The following TMTC2 variants were observed in gnomAD, a reference collection of about 807,000 sequenced individuals.
The protein encoded by TMTC2 is transmembrane O-mannosyltransferase targeting cadherins 2.
Under a neutral mutation model 82.4 loss-of-function variants are expected in TMTC2, and 43 were observed. The observed-to-expected ratio is 0.52, with a 90% confidence interval of 0.41 to 0.67. The LOEUF (loss-of-function observed/expected upper bound fraction) is 0.67, where lower values mean the gene tolerates loss of function less well. Ranked by LOEUF, TMTC2 falls within the 30% of genes least tolerant of loss-of-function variation. The probability of loss-of-function intolerance (pLI) is 0.00; values close to 1 mark genes in which losing one functional copy is unlikely to be tolerated. For missense variants in TMTC2, 919 were observed against 1,012.4 expected, an observed-to-expected ratio of 0.91 and a Z score of 1.25; for synonymous variants, 408 against 381.9, an observed-to-expected ratio of 1.07 and a Z score of -0.80.
At chr12:82,703,992 AT>A (rs1197480744) in intron 1 of TMTC2, among the ~76,000 whole-genome samples, 7 of 152,148 alleles carry the variant, frequency 4.6e-5, no homozygotes, top group Non-Finnish European at 7.4e-5. Flanking sequence ...GCTTGTTTGT[AT>A]TTTTTAAAAT....
chr12:82,967,115 T>C, intron 7 of TMTC2, 118 bp downstream of exon 7: 1 of 736,802 alleles, frequency 1.4e-6, no homozygotes, highest in South Asian at 2.1e-5. Context: ...AAAAGAAACG[T>C]TCACAATCTG....
chr12:83,125,669 T>C (rs989916975), intron 11 of TMTC2, among the ~76,000 whole-genome samples: 1 of 152,218 alleles, frequency 6.6e-6, no homozygotes, highest in African/African-American at 2.4e-5. Context: ...AAATCTGAAA[T>C]TTGAAATGCA....
intron 1 of TMTC2, chr12:82,759,050 A>G (rs1230343846): frequency 6.6e-6 from 1 of 152,234 alleles, no homozygotes; most frequent in African/African-American, 2.4e-5. Context: ...AGATGACAGT[A>G]TCAGACTTGC....
chr12:83,091,042 A>C (rs955359421), intron 11 of TMTC2, among the ~76,000 whole-genome samples: 3 of 152,304 alleles, frequency 2.0e-5, no homozygotes, highest in South Asian at 4.1e-4. Context: ...TTTGTTAATC[A>C]CTGCAACCAG....
intron 8 of TMTC2, among the ~76,000 whole-genome samples, chr12:82,994,392 A>G (rs926966869): frequency 1.4e-4 from 22 of 152,046 alleles, no homozygotes; most frequent in African/African-American, 4.8e-4. Context: ...CGGCCTCCCA[A>G]AATGCTGGGA....
chr12:82,896,166 A>T lies in TMTC2; in HGVS notation c.1003A>T (p.Arg335Ter). Reference sequence around the variant, plus strand: ...TGGTTTGAAGAGCCCGAGCGTAGACAGAGAATGCAATGGGAAAACTGTAAC... The same window carrying T: ...TGGTTTGAAGAGCCCGAGCGTAGACTGAGAATGCAATGGGAAAACTGTAAC... ...YYGLKSPSVD[R>*]ECNGKTVTNG... Residue 335 changes from arginine to a stop codon, truncating the protein, a stop_gained, in exon 3 of 12, where the codon AGA (arginine) becomes TGA (stop). Coordinates refer to ENST00000321196, the MANE Select transcript of TMTC2 (RefSeq NM_152588.3). LOFTEE classifies it high-confidence loss of function. 3.1e-6 allele frequency: 5 copies of T among 1,614,068 alleles called. No homozygotes were observed. Among genetic ancestry groups the T allele is most frequent in the Non-Finnish European group, 4.2e-6 (5 of 1,180,024 alleles).
chr12:82,948,087 C>G (rs916198573), intron 4 of TMTC2, among the ~76,000 whole-genome samples: 1 of 152,180 alleles, frequency 6.6e-6, no homozygotes, highest in Non-Finnish European at 1.5e-5. Context: ...TTGTTACAGG[C>G]CAAGCTCAGT....
At chr12:82,987,424 AAAAAAAAAAAAGAG>A (rs1879201505) in intron 8 of TMTC2, among the ~76,000 whole-genome samples, 1 of 151,158 alleles carries the variant, frequency 6.6e-6, no homozygotes, top group Admixed American at 6.6e-5. Flanking sequence ...CATCTCAAAA[AAAAAAAAAAAAGAG>A]AAAAAAAAAA....
rs547835992 is a variant in TMTC2 at position 82,976,327 on chromosome 12, C to T, written c.1948+9330C>T. Reference sequence around the variant, plus strand: ...ACATCAGATGTTTCTGGTATATGACCTTATATTAGAAATTAGGAACTTGTA... The same window carrying T: ...ACATCAGATGTTTCTGGTATATGACTTTATATTAGAAATTAGGAACTTGTA... On this transcript the variant is annotated intron_variant, in intron 7 of 11. Coordinates refer to ENST00000321196, the MANE Select transcript of TMTC2 (RefSeq NM_152588.3). Among the ~76,000 whole-genome samples the T allele has an allele frequency of 6.6e-5, 10 of 151,968 alleles. No homozygotes were observed. The South Asian group carries it at 2.1e-3, about 32-fold the overall frequency.
intron 1 of TMTC2, among the ~76,000 whole-genome samples, chr12:82,840,608 G>A (rs1318877737): frequency 6.6e-6 from 1 of 152,162 alleles, no homozygotes; most frequent in East Asian, 1.9e-4. Context: ...TGATCTCATG[G>A]TCCTGGTTTT....
At chr12:82,948,375 A>AAC (rs56308708) in intron 4 of TMTC2, among the ~76,000 whole-genome samples, 96,574 of 150,670 alleles carry the variant, frequency 0.64, 32,822 homozygotes, top group South Asian at 0.82. Flanking sequence ...AATTTAAACA[A>AAC]AAAAAAAAAA....
chr12:82,745,477 G>T (rs1164179340), intron 1 of TMTC2, among the ~76,000 whole-genome samples: 1 of 152,120 alleles, frequency 6.6e-6, no homozygotes, highest in Non-Finnish European at 1.5e-5. Flanking sequence ...TGTTATCCAT[G>T]GGAGCCTGTT....
chr12:82,992,406 G>A (rs1879440540), intron 8 of TMTC2, among the ~76,000 whole-genome samples: 1 of 152,056 alleles, frequency 6.6e-6, no homozygotes, highest in Non-Finnish European at 1.5e-5. Flanking sequence ...CAGAACAAAT[G>A]GTAATTTTTC....
At chr12:83,006,433 C>G (rs373768337) in intron 8 of TMTC2, among the ~76,000 whole-genome samples, 2 of 152,114 alleles carry the variant, frequency 1.3e-5, no homozygotes, top group East Asian at 1.9e-4. Context: ...TTTCCTCTTT[C>G]ATTTCTGATT....
At chr12:82,719,017 T>C (rs1874035027) in intron 1 of TMTC2, among the ~76,000 whole-genome samples, 1 of 145,586 alleles carries the variant, frequency 6.9e-6, no homozygotes, top group African/African-American at 2.5e-5. Flanking sequence ...AACTGGGTGC[T>C]AGTATATAGA....
At chr12:82,965,841 G>A in intron 6 of TMTC2, 97 bp downstream of exon 6, 1 of 1,311,616 alleles carries the variant, frequency 7.6e-7, no homozygotes, top group African/African-American at 1.4e-5. Context: ...TATGTCCTTT[G>A]AACAACTAAT....
chr12:82,700,946 G>A (rs112042275), intron 1 of TMTC2, among the ~76,000 whole-genome samples: 5,005 of 152,210 alleles, frequency 0.033, 187 homozygotes, highest in East Asian at 0.12. Context: ...GAGAGTATGT[G>A]CAGGGGAGCT....
At chr12:82,703,804 A>G (rs1478776402) in intron 1 of TMTC2, among the ~76,000 whole-genome samples, 1 of 152,170 alleles carries the variant, frequency 6.6e-6, no homozygotes, top group East Asian at 1.9e-4. Context: ...GATAGTTTCA[A>G]TGAGTATCTT....
At chr12:82,911,330 C>G (rs1874644185) in intron 3 of TMTC2, among the ~76,000 whole-genome samples, 1 of 151,846 alleles carries the variant, frequency 6.6e-6, no homozygotes, top group African/African-American at 2.4e-5. Context: ...CTCCTCTACC[C>G]AGCCCTTCCC....
Sources: gnomAD v4.1 joint callset for allele counts (sites outside exome capture counted in the v4.1 genomes callset) on GRCh38, gnomAD v4.1.1 for gene constraint, MANE v1.5 for transcripts, NCBI Gene and HGNC (gene_info 2026-07-23, HGNC 2026-07-21) for gene names.